The following CFAP44 variants were observed in gnomAD, a reference collection of about 807,000 sequenced individuals.
CFAP44 encodes cilia and flagella associated protein 44.
Under a neutral mutation model 216.2 loss-of-function variants are expected in CFAP44, and 134 were observed. The observed-to-expected ratio is 0.62, with a 90% CI of 0.54 to 0.72. CFAP44 has a LOEUF of 0.72. Among genes scored for constraint, CFAP44 ranks in the 30% least tolerant of loss-of-function variants. CFAP44 has a pLI of 0.00. For missense variants in CFAP44, 2,035 were observed against 2,182.1 expected (o/e 0.93, Z 1.34); for synonymous variants, 700 against 727.6 (o/e 0.96, Z 0.61).
intron 6 of CFAP44, among the ~76,000 whole-genome samples, chr3:113,411,629 C>T (rs575341977): frequency 4.0e-5 from 6 of 150,576 alleles, no homozygotes; most frequent in Non-Finnish European, 6.0e-5. Context: ...GGCAATGTGG[C>T]CTTTTGGTTC....
At chr3:113,441,043 CCTTT>C (rs1208604532) in intron 1 of CFAP44, among the ~76,000 whole-genome samples, 1 of 152,232 alleles carries the variant, frequency 6.6e-6, no homozygotes, top group Non-Finnish European at 1.5e-5. Flanking sequence ...CACATTATCA[CCTTT>C]CTTTCTGGAG....
At position 113,327,824 on chromosome 3, in the gene CFAP44, G is replaced by A; in HGVS notation, c.4117-5C>T. On this transcript the variant is annotated splice_polypyrimidine_tract_variant and splice_region_variant and intron_variant, in intron 26 of 34. Transcript: ENST00000393845. The stretch of plus-strand genomic sequence containing the variant: ...AGTGACAACCAGTTCTTTGATCTGA[G>A]ATGGAAAAAATATTTGCGGATACGT... The A allele has an allele frequency of 6.5e-7, 1 of 1,535,896 alleles. No individual in the cohort carries two copies. The highest frequency in any genetic ancestry group is 8.7e-7 in the Non-Finnish European group (1 of 1,146,320).
At chr3:113,402,228 T>C (rs1273155688) in intron 9 of CFAP44, among the ~76,000 whole-genome samples, 1 of 152,150 alleles carries the variant, frequency 6.6e-6, no homozygotes, top group Non-Finnish European at 1.5e-5. Context: ...CATTAGAAAA[T>C]GTTTCTCTTC....
chr3:113,333,701 C>T, intron 24 of CFAP44, 118 bp from the exon 25 acceptor site: 1 of 1,170,388 alleles, frequency 8.5e-7, no homozygotes, highest in Non-Finnish European at 1.1e-6. Context: ...GATTTCAAAT[C>T]TGTGATGCCA....
intron 1 of CFAP44, among the ~76,000 whole-genome samples, chr3:113,440,594 A>G (rs1935338280): frequency 6.6e-6 from 1 of 151,554 alleles, no homozygotes; most frequent in Non-Finnish European, 1.5e-5. Flanking sequence ...ACTGTGTCTC[A>G]CCTCTACCAT....
At chr3:113,347,746 G>A (rs58918720) in intron 22 of CFAP44, among the ~76,000 whole-genome samples, 13,876 of 152,140 alleles carry the variant, frequency 0.091, 834 homozygotes, top group African/African-American at 0.16. Context: ...GAGGACAAAA[G>A]GCGTCACTCT....
intron 8 of CFAP44, among the ~76,000 whole-genome samples, chr3:113,404,300 G>A (rs905376566): frequency 1.3e-5 from 2 of 152,034 alleles, no homozygotes; most frequent in Non-Finnish European, 1.5e-5. Flanking sequence ...TAGACTTCTT[G>A]GTACATCTCT....
At chr3:113,388,310 A>G (rs1933705424) in intron 15 of CFAP44, among the ~76,000 whole-genome samples, 1 of 152,252 alleles carries the variant, frequency 6.6e-6, no homozygotes, top group Admixed American at 6.5e-5. Flanking sequence ...TGTTTATAAA[A>G]TCAGTGTTAA....
intron 32 of CFAP44, among the ~76,000 whole-genome samples, chr3:113,300,366 G>A (rs774747550): frequency 5.3e-5 from 8 of 151,772 alleles, no homozygotes; most frequent in South Asian, 2.1e-4. Flanking sequence ...GAGTATAATC[G>A]GATTGTTTGT....
chr3:113,374,506 A>T (rs1200542275), intron 17 of CFAP44, among the ~76,000 whole-genome samples: 1 of 152,152 alleles, frequency 6.6e-6, no homozygotes, highest in African/African-American at 2.4e-5. Context: ...GCAGTCTCAT[A>T]GACTTATGGA....
chr3:113,415,786 G>A (rs578150433), intron 6 of CFAP44, among the ~76,000 whole-genome samples: 1 of 152,226 alleles, frequency 6.6e-6, no homozygotes, highest in South Asian at 2.1e-4. Flanking sequence ...CAATTATGTG[G>A]TCGATTTTAG....
intron 15 of CFAP44, among the ~76,000 whole-genome samples, chr3:113,387,780 A>G (rs1252519916): frequency 6.6e-6 from 1 of 151,950 alleles, no homozygotes; most frequent in Non-Finnish European, 1.5e-5. Flanking sequence ...GCTCTTGGAC[A>G]CCATTTCTGG....
In CFAP44 at chr3:113,303,943, T is replaced by G. The variant is rs1184483100; in HGVS notation, c.5050A>C (p.Lys1684Gln). 1 of 1,537,818 alleles carries G rather than the reference T, an allele frequency of 6.5e-7. No homozygotes were observed. Among genetic ancestry groups the G allele is most frequent in the South Asian group, 1.2e-5 (1 of 84,056 alleles). ...RERRKQLIRE[K>Q]REMTKTIHKM... Reference sequence around the variant, plus strand: ...TGTATGGTTTTTGTCATTTCTCTCTTTTCTCGGATGAGCTGTTTACGTCTC... The same window carrying G: ...TGTATGGTTTTTGTCATTTCTCTCTGTTCTCGGATGAGCTGTTTACGTCTC... The change falls in exon 32 of 35, where the codon AAG becomes CAG. Residue 1684 changes from lysine (K) to glutamine (Q), a missense_variant. Physicochemically the swap from Lys to Gln is moderately conservative, Grantham distance 53. Transcript: ENST00000393845.
At chr3:113,312,306 A>G (rs1461810901) in intron 28 of CFAP44, among the ~76,000 whole-genome samples, 3 of 145,628 alleles carry the variant, frequency 2.1e-5, no homozygotes, top group Admixed American at 1.4e-4. Flanking sequence ...GATGGTCTCC[A>G]TCACCTGACC....
intron 13 of CFAP44, among the ~76,000 whole-genome samples, chr3:113,399,307 G>T (rs146825265): frequency 6.6e-6 from 1 of 152,190 alleles, no homozygotes; most frequent in East Asian, 1.9e-4. Flanking sequence ...AAGACTACAT[G>T]AGCAAAATAA....
intron 28 of CFAP44, among the ~76,000 whole-genome samples, chr3:113,311,292 T>C (rs1180643270): frequency 6.6e-6 from 1 of 152,240 alleles, no homozygotes; most frequent in Non-Finnish European, 1.5e-5. Flanking sequence ...TCTGTGTCCC[T>C]ACTGAAATCT....
intron 28 of CFAP44, among the ~76,000 whole-genome samples, chr3:113,320,577 G>A (rs1228822765): frequency 6.7e-6 from 1 of 148,710 alleles, no homozygotes; most frequent in Non-Finnish European, 1.5e-5. Flanking sequence ...ATATAATGAA[G>A]TTATATATAT....
chr3:113,395,843 AAC>A lies in CFAP44; in HGVS notation c.1795_1796del (p.Val599PhefsTer4). ...AATCCCTTTCCACTTCAAAGAAGAA[AAC>A]AGTTTGATCTTTACTCTAAGGAAAA... ...ILATGSKDQT[V>X]FFFEVERDYK... On this transcript the variant is annotated frameshift_variant, in exon 15 of 35. Transcript: ENST00000393845. LOFTEE classifies it high-confidence loss of function. 1 of 1,613,760 alleles carries A rather than the reference AAC, an allele frequency of 6.2e-7. No homozygotes were observed. The highest frequency in any genetic ancestry group is 8.5e-7 in the Non-Finnish European group (1 of 1,179,804).
chr3:113,404,801 T>G (rs1934234308), intron 8 of CFAP44, among the ~76,000 whole-genome samples: 1 of 152,128 alleles, frequency 6.6e-6, no homozygotes, highest in Non-Finnish European at 1.5e-5. Context: ...AGGAGAACAT[T>G]GAAGCACAAA....
Sources: allele counts gnomAD v4.1 joint callset (sites outside exome capture counted in the v4.1 genomes callset), GRCh38; gene constraint gnomAD v4.1.1; transcripts MANE v1.5; gene names NCBI Gene and HGNC (gene_info 2026-07-23, HGNC 2026-07-21).